Variants in CDC27 observed in about 807,000 individuals in gnomAD.
CDC27 encodes cell division cycle 27.
CDC27 carries 27 observed loss-of-function variants against 109.7 expected under a neutral mutation model. The ratio of observed to expected loss-of-function variants is 0.25; its 90% CI spans 0.18 to 0.34. CDC27 has a LOEUF of 0.34. Among genes scored for constraint, CDC27 ranks in the 10% least tolerant of loss-of-function variants. The pLI is 1.00. For missense variants in CDC27, 579 were observed against 960.2 expected (o/e 0.60, Z 5.25); for synonymous variants, 266 against 333.9 (o/e 0.80, Z 2.22).
intron 10 of CDC27, among the ~76,000 whole-genome samples, chr17:47,142,644 T>G (rs1159975464): frequency 1.3e-5 from 2 of 152,214 alleles, no homozygotes; most frequent in African/African-American, 2.4e-5. Context: ...TAACTAATAG[T>G]GACTAAGGTG....
chr17:47,165,552 T>A (rs1372397851), intron 4 of CDC27, among the ~76,000 whole-genome samples: 1 of 152,242 alleles, frequency 6.6e-6, no homozygotes, highest in African/African-American at 2.4e-5. Flanking sequence ...GAGAGTTCTT[T>A]ATATAGTCTA....
intron 5 of CDC27, among the ~76,000 whole-genome samples, chr17:47,157,737 T>C (rs980666648): frequency 6.6e-6 from 1 of 152,202 alleles, no homozygotes; most frequent in African/African-American, 2.4e-5. Context: ...CATCATATTT[T>C]ACAGTAAAGG....
At chr17:47,184,087 T>C (rs988614189) in intron 1 of CDC27, among the ~76,000 whole-genome samples, 7 of 152,236 alleles carry the variant, frequency 4.6e-5, no homozygotes, top group African/African-American at 7.2e-5. Flanking sequence ...AGAATGAAGA[T>C]ACCAAAGATT....
In CDC27 at chr17:47,157,394, C is replaced by A. The variant is rs369988089; in HGVS notation, c.476-10G>T. The A allele has an allele frequency of 3.4e-3, 4,723 of 1,398,476 alleles. No homozygotes were observed. The highest frequency in any genetic ancestry group is 0.01 in the Admixed American group (450 of 44,998). 86.6% of individuals were successfully genotyped at this position (1,398,476 alleles called of 1,614,324 possible). On this transcript the variant is annotated splice_polypyrimidine_tract_variant and intron_variant, in intron 5 of 18. Coordinates refer to ENST00000066544, the MANE Select transcript of CDC27 (RefSeq NM_001256.6). ...GGATCTGGCTTTTCACCTGTGAAGA[C>A]AAAAAAAAAAAAAGTTTGTCTCTGA...
chr17:47,123,335 T>C (rs2062031131), intron 17 of CDC27, among the ~76,000 whole-genome samples: 1 of 152,094 alleles, frequency 6.6e-6, no homozygotes, highest in African/African-American at 2.4e-5. Flanking sequence ...GCCTTGGGAC[T>C]CTCAGAAGCC....
intron 4 of CDC27, chr17:47,159,780 C>T: frequency 2.3e-6 from 1 of 429,160 alleles, no homozygotes; most frequent in Non-Finnish European, 4.5e-6. Flanking sequence ...AGAGAGGCCC[C>T]CAGGAAAAAG....
chr17:47,120,821 T>TG lies in CDC27; in HGVS notation c.*113_*114insC. 1.4e-6 allele frequency: 1 copy of TG among 718,432 alleles called. No homozygotes were observed. Among genetic ancestry groups the TG allele is most frequent in the Non-Finnish European group, 2.5e-6 (1 of 407,542 alleles). 44.5% of individuals were successfully genotyped at this position (718,432 alleles called of 1,614,324 possible). A position where few individuals can be genotyped will look rare whatever the true frequency, so the allele number is the denominator to read the frequency against. ...CAATGAAAGTGGCACACTCATGGTA[T>TG]AAGTGACGGACGATGACACCGCCAG... is the stretch of plus-strand genomic sequence containing the variant. On this transcript the variant is annotated 3_prime_UTR_variant, in exon 19 of 19. Coordinates refer to ENST00000066544, the MANE Select transcript of CDC27 (RefSeq NM_001256.6).
intron 5 of CDC27, 87 bp downstream of exon 5, chr17:47,158,119 G>C (rs1598509894): frequency 6.2e-6 from 3 of 480,926 alleles, no homozygotes; most frequent in Non-Finnish European, 1.1e-5. Context: ...GGGGGTAGAT[G>C]ATCTGTATTG....
intron 3 of CDC27, 140 bp downstream of exon 3, chr17:47,171,777 C>T (rs1421697938): frequency 3.5e-6 from 2 of 579,484 alleles, no homozygotes; most frequent in African/African-American, 2.0e-5. Context: ...CCATAGGCAA[C>T]AGTGTAAACA....
chr17:47,167,009 C>A (rs1452608183), intron 4 of CDC27, among the ~76,000 whole-genome samples: 3 of 152,154 alleles, frequency 2.0e-5, no homozygotes, highest in Non-Finnish European at 4.4e-5. Flanking sequence ...CGTGCACCAC[C>A]ATGCCCGGCT....
intron 2 of CDC27, among the ~76,000 whole-genome samples, chr17:47,176,042 T>C (rs891497195): frequency 9.9e-5 from 15 of 152,170 alleles, no homozygotes; most frequent in Admixed American, 5.9e-4. Flanking sequence ...AAGGTTGCTG[T>C]TAGGATTAAA....
At chr17:47,123,712 A>G (rs572537183) in intron 17 of CDC27, among the ~76,000 whole-genome samples, 174 bp downstream of exon 17, 1 of 152,128 alleles carries the variant, frequency 6.6e-6, no homozygotes, top group East Asian at 1.9e-4. Flanking sequence ...ATGCCTGGCT[A>G]GGATATCATT....
At chr17:47,167,650 A>G (rs1249397817) in intron 4 of CDC27, among the ~76,000 whole-genome samples, 4 of 152,212 alleles carry the variant, frequency 2.6e-5, no homozygotes, top group Non-Finnish European at 5.9e-5. Flanking sequence ...GTTTTTTCCT[A>G]TTCTCTCTTA....
chr17:47,160,927 C>T (rs934411917), intron 4 of CDC27: 3 of 152,154 alleles, frequency 2.0e-5, no homozygotes, highest in Admixed American at 2.0e-4. Flanking sequence ...TATCTAGCTT[C>T]CCACACTTGT....
Position 47,137,254 on chromosome 17 carries a change from T to C in CDC27, c.1811A>G (p.Tyr604Cys), listed in dbSNP as rs748198995. ...GACAAACTCATGCCCTAATAGAGTA[T>C]AGGCATAAGCGTAATTTGGATCAAC... is the stretch of plus-strand genomic sequence containing the variant. ...IQVDPNYAYA[Y>C]TLLGHEFVLT... Residue 604 changes from tyrosine to cysteine, a missense_variant, in exon 14 of 19, where the codon TAT (tyrosine) becomes TGT (cysteine). Transcript: ENST00000066544. 2.5e-5 allele frequency: 40 copies of C among 1,610,540 alleles called. No individual in the cohort carries two copies. The highest frequency in any genetic ancestry group is 8.3e-5 in the Admixed American group (5 of 59,938).
chr17:47,140,065 T>C (rs1195192301), intron 12 of CDC27: 1 of 152,174 alleles, frequency 6.6e-6, no homozygotes, highest in African/African-American at 2.4e-5. Flanking sequence ...GAAATGAGTA[T>C]GACAGAAAAT....
In CDC27 at chr17:47,138,721, GTA is replaced by G; in HGVS notation, c.1704+16_1704+17del. The G allele has an allele frequency of 6.3e-7, 1 of 1,585,588 alleles. No homozygotes were observed. The highest frequency in any genetic ancestry group is 8.6e-7 in the Non-Finnish European group (1 of 1,158,494). On this transcript the variant is annotated intron_variant, in intron 13 of 18. Transcript: ENST00000066544. Reference sequence around the variant, plus strand: ...TCAAAAAGGTAACTATATAAGCAAAGTATTTTGGTTAACATACCTCTGGCGAA... The same window carrying G: ...TCAAAAAGGTAACTATATAAGCAAAGTTTTGGTTAACATACCTCTGGCGAA...
chr17:47,171,202 G>A (rs573195309), intron 3 of CDC27, among the ~76,000 whole-genome samples: 5 of 152,292 alleles, frequency 3.3e-5, no homozygotes, highest in South Asian at 2.1e-4. Flanking sequence ...AACAACAAAT[G>A]TCTCAGAAAT....
chr17:47,158,241 A>G lies in CDC27; in HGVS notation c.440T>C (p.Phe147Ser). The change falls in exon 5 of 19, where the codon TTC becomes TCC. Residue 147 changes from phenylalanine (F) to serine (S), a missense_variant. Physicochemically the swap from Phe to Ser is radical, Grantham distance 155. Transcript: ENST00000066544. The part of the protein sequence containing the change: ...CYQKSLSLNP[F>S]LWSPFESLCE... ...TAATGATTCAAAGGGAGACCAGAGGAAAGGATTTAAACTAAGGCTCTTTTG... is the reference window on the plus strand; with the variant it reads ...TAATGATTCAAAGGGAGACCAGAGGGAAGGATTTAAACTAAGGCTCTTTTG... 1 of 1,583,160 alleles carries G rather than the reference A, an allele frequency of 6.3e-7. No homozygotes were observed. Among genetic ancestry groups the G allele is most frequent in the Non-Finnish European group, 8.6e-7 (1 of 1,164,930 alleles).
Sources: allele counts gnomAD v4.1 joint callset (sites outside exome capture counted in the v4.1 genomes callset), GRCh38; gene constraint gnomAD v4.1.1; transcripts MANE v1.5; gene names NCBI Gene and HGNC (gene_info 2026-07-23, HGNC 2026-07-21).